PPP2R2B: variants seen among roughly 807,000 people sequenced by gnomAD.
PPP2R2B encodes serine/threonine-protein phosphatase 2A 55 kDa regulatory subunit B beta isoform.
Under a neutral mutation model 46.0 loss-of-function variants are expected in PPP2R2B, and 5 were observed. The observed-to-expected ratio is 0.11, with a 90% confidence interval of 0.06 to 0.23. PPP2R2B has a LOEUF of 0.23. Ranked by LOEUF, PPP2R2B falls within the 10% of genes least tolerant of loss-of-function variation. The probability of loss-of-function intolerance (pLI) is 1.00; values close to 1 mark genes in which losing one functional copy is unlikely to be tolerated. For missense variants in PPP2R2B, 367 were observed against 575.0 expected, an observed-to-expected ratio of 0.64 and a Z score of 3.70; for synonymous variants, 215 against 206.7, an observed-to-expected ratio of 1.04 and a Z score of -0.34.
At chr5:146,595,819 C>T (rs1771116131) in intron 8 of PPP2R2B, among the ~76,000 whole-genome samples, 1 of 152,184 alleles carries the variant, frequency 6.6e-6, no homozygotes, top group Non-Finnish European at 1.5e-5. Context: ...GTTCTTTCTT[C>T]ATGTTCCTAG....
chr5:146,947,506 T>C (rs1010985460), intron 1 of PPP2R2B, among the ~76,000 whole-genome samples: 3 of 152,030 alleles, frequency 2.0e-5, no homozygotes, highest in Non-Finnish European at 2.9e-5. Flanking sequence ...AATGAGATGA[T>C]TGAGGCTTGG....
chr5:146,877,076 A>G (rs1276736655), intron 2 of PPP2R2B, among the ~76,000 whole-genome samples: 1 of 152,202 alleles, frequency 6.6e-6, no homozygotes, highest in Admixed American at 6.5e-5. Flanking sequence ...ATGAGTGGCT[A>G]AGGATAAAAG....
At chr5:146,715,944 T>C (rs1780473610) in intron 2 of PPP2R2B, among the ~76,000 whole-genome samples, 1 of 152,166 alleles carries the variant, frequency 6.6e-6, no homozygotes, top group African/African-American at 2.4e-5. Context: ...TCCATCAAAG[T>C]TTAACTCCTC....
intron 2 of PPP2R2B, among the ~76,000 whole-genome samples, chr5:147,073,779 G>A (rs562283983): frequency 5.3e-5 from 8 of 152,198 alleles, no homozygotes; most frequent in South Asian, 2.1e-4. Context: ...GGTGGCTCCC[G>A]CCTGTAATAG....
chr5:146,989,972 AT>A (rs919703668), intron 1 of PPP2R2B, among the ~76,000 whole-genome samples: 26 of 151,616 alleles, frequency 1.7e-4, no homozygotes, highest in Non-Finnish European at 2.8e-4. Context: ...TGAAAAAGAA[AT>A]CAAGAAAGCA....
intron 1 of PPP2R2B, among the ~76,000 whole-genome samples, chr5:147,018,096 A>G (rs1470064493): frequency 6.6e-6 from 1 of 151,702 alleles, no homozygotes; most frequent in African/African-American, 2.4e-5. Flanking sequence ...AGCGTTAAGC[A>G]TCATAGATAG....
chr5:146,930,783 TC>T (rs1223278507), intron 1 of PPP2R2B, among the ~76,000 whole-genome samples: 2 of 152,242 alleles, frequency 1.3e-5, no homozygotes, highest in African/African-American at 4.8e-5. Flanking sequence ...AGCTCATTTC[TC>T]TTTGTCGATA....
intron 5 of PPP2R2B, among the ~76,000 whole-genome samples, chr5:146,657,254 AAAC>A (rs1230708710): frequency 5.9e-5 from 9 of 152,206 alleles, no homozygotes; most frequent in African/African-American, 2.2e-4. Flanking sequence ...CACAGAGAAA[AAAC>A]AACAGCTGTG....
At chr5:146,886,171 T>C (rs1212095195) in intron 1 of PPP2R2B, among the ~76,000 whole-genome samples, 4 of 151,888 alleles carry the variant, frequency 2.6e-5, no homozygotes, top group Admixed American at 2.6e-4. Flanking sequence ...ACCCCGTCTC[T>C]ACTAAAAATA....
intron 2 of PPP2R2B, among the ~76,000 whole-genome samples, chr5:146,745,864 A>T (rs1753161036): frequency 6.6e-6 from 1 of 152,166 alleles, no homozygotes; most frequent in Non-Finnish European, 1.5e-5. Flanking sequence ...AGGCTGAGGC[A>T]GGAGAATTGC....
intron 5 of PPP2R2B, among the ~76,000 whole-genome samples, chr5:146,657,491 T>C (rs1776409938): frequency 6.6e-6 from 1 of 152,214 alleles, no homozygotes; most frequent in African/African-American, 2.4e-5. Flanking sequence ...TTGAATACCA[T>C]TGCTTGTTAC....
intron 2 of PPP2R2B, among the ~76,000 whole-genome samples, chr5:146,811,266 G>A (rs1757525586): frequency 6.6e-6 from 1 of 152,132 alleles, no homozygotes; most frequent in African/African-American, 2.4e-5. Flanking sequence ...TGAAAGTGCT[G>A]GGATTACAGG....
chr5:147,052,313 C>T (rs79103560), intron 1 of PPP2R2B, among the ~76,000 whole-genome samples: 1 of 152,242 alleles, frequency 6.6e-6, no homozygotes, highest in East Asian at 1.9e-4. Context: ...TATTTGTCAT[C>T]TTTCATTCAA....
At chr5:146,857,321 T>A (rs573567060) in intron 2 of PPP2R2B, among the ~76,000 whole-genome samples, 1 of 152,206 alleles carries the variant, frequency 6.6e-6, no homozygotes, top group East Asian at 1.9e-4. Context: ...ATATTCAAAA[T>A]AAACGTGTAA....
At chr5:146,908,807 C>G (rs1036239756) in intron 1 of PPP2R2B, among the ~76,000 whole-genome samples, 1 of 151,854 alleles carries the variant, frequency 6.6e-6, no homozygotes, top group Non-Finnish European at 1.5e-5. Context: ...CCCTTCCTCC[C>G]TTCCTTCCTT....
At chr5:146,659,582 C>T (rs535329603) in intron 5 of PPP2R2B, among the ~76,000 whole-genome samples, 69 of 152,256 alleles carry the variant, frequency 4.5e-4, no homozygotes, top group African/African-American at 1.6e-3. Context: ...TACCATCTAA[C>T]GAAGAAACAT....
chr5:146,845,295 T>C (rs1266803195), intron 2 of PPP2R2B, among the ~76,000 whole-genome samples: 7 of 70,462 alleles, frequency 9.9e-5, no homozygotes, highest in Non-Finnish European at 1.8e-4. Context: ...ATTTCTTTTC[T>C]TTTCCTTTTC....
At chr5:147,066,643 A>G (rs1049510815) in intron 2 of PPP2R2B, among the ~76,000 whole-genome samples, 3 of 152,200 alleles carry the variant, frequency 2.0e-5, no homozygotes, top group Admixed American at 1.3e-4. Context: ...TAAGTTTATC[A>G]ACTTTTCAAT....
rs1054466532 is a variant in PPP2R2B, at chr5:146,878,619, G to A, written c.-153C>T. ...GCCGGAATGAGGGTGCTGGTCCCAC[G>A]GGAGGGCGGCTCCGGCAGGCGGGGG... On this transcript the variant is annotated 5_prime_UTR_variant, in exon 1 of 10. Transcript: ENST00000394411. This position sits in a 1 kb window ranked among gnomAD's most constrained non-coding sequence, Gnocchi z 4.5. 8.0e-7 allele frequency: 1 copy of A among 1,244,950 alleles called. No homozygotes were observed. Among genetic ancestry groups the A allele is most frequent in the Non-Finnish European group, 1.0e-6 (1 of 967,210 alleles). 77.1% of individuals were successfully genotyped at this position (1,244,950 alleles called of 1,614,324 possible).
Sources: gnomAD v4.1 joint callset for allele counts (sites outside exome capture counted in the v4.1 genomes callset) on GRCh38, gnomAD v4.1.1 for gene constraint, Gnocchi (gnomAD v3.1) non-coding constraint, MANE v1.5 for transcripts, NCBI Gene and HGNC (gene_info 2026-07-23, HGNC 2026-07-21) for gene names.